SPECC1: variants seen among roughly 807,000 people sequenced by gnomAD.
SPECC1 encodes the protein sperm antigen with calponin homology and coiled-coil domains 1.
In SPECC1, 62 loss-of-function variants were observed where a neutral mutation model predicts 104.1. That is an observed-to-expected ratio of 0.60 (90% CI 0.49 to 0.74). SPECC1 has a LOEUF of 0.74. SPECC1 is among the 30% of genes least tolerant of loss of function. The pLI is 0.00. For missense variants in SPECC1, 1,306 were observed against 1,310.5 expected (o/e 1.00, Z 0.05); for synonymous variants, 513 against 501.6 (o/e 1.02, Z -0.30).
intron 7 of SPECC1, among the ~76,000 whole-genome samples, chr17:20,243,360 A>G (rs1241571602): frequency 1.3e-5 from 2 of 152,208 alleles, no homozygotes; most frequent in Non-Finnish European, 2.9e-5. Context: ...CTTCCTTGGA[A>G]CAGAGGAAAT....
chr17:20,086,153 A>T (rs2047168821), intron 1 of SPECC1, among the ~76,000 whole-genome samples: 1 of 152,160 alleles, frequency 6.6e-6, no homozygotes, highest in Admixed American at 6.5e-5. Flanking sequence ...CACCCTGGGC[A>T]CCACTGCTGC....
intron 4 of SPECC1, among the ~76,000 whole-genome samples, chr17:20,225,626 G>A (rs2038152220): frequency 6.6e-6 from 1 of 152,176 alleles, no homozygotes; most frequent in African/African-American, 2.4e-5. Flanking sequence ...TGTGGTTGCT[G>A]CCAAGGGATG....
intron 3 of SPECC1, among the ~76,000 whole-genome samples, chr17:20,168,293 T>G (rs1451189100): frequency 6.6e-6 from 1 of 152,214 alleles, no homozygotes; most frequent in Non-Finnish European, 1.5e-5. Context: ...AGTGGCTTAT[T>G]CTAAGAATGC....
At chr17:20,129,405 G>T (rs2049488043) in intron 3 of SPECC1, among the ~76,000 whole-genome samples, 1 of 151,104 alleles carries the variant, frequency 6.6e-6, no homozygotes, top group Non-Finnish European at 1.5e-5. Flanking sequence ...AGCCAGGATG[G>T]TCTCAATCTC....
chr17:20,022,099 G>A (rs928381000), intron 1 of SPECC1, among the ~76,000 whole-genome samples: 1 of 150,954 alleles, frequency 6.6e-6, no homozygotes, highest in African/African-American at 2.4e-5. Flanking sequence ...CCACCACTAC[G>A]CCTGGCTAAT....
intron 4 of SPECC1, among the ~76,000 whole-genome samples, chr17:20,214,429 CAGTT>C (rs377744121): frequency 3.3e-4 from 50 of 152,226 alleles, no homozygotes; most frequent in Middle Eastern, 6.8e-3. Flanking sequence ...ACTTGGGCCA[CAGTT>C]AGGTGAGAAA....
At chr17:20,263,699 G>A (rs370488099) in intron 12 of SPECC1, among the ~76,000 whole-genome samples, 10 of 152,120 alleles carry the variant, frequency 6.6e-5, no homozygotes, top group South Asian at 6.2e-4. Flanking sequence ...CACTGATGCC[G>A]CCTGTGCTGT....
chr17:20,260,973 T>C (rs994464269), intron 12 of SPECC1, among the ~76,000 whole-genome samples: 5 of 152,168 alleles, frequency 3.3e-5, no homozygotes, highest in Non-Finnish European at 5.9e-5. Context: ...GCAACTTTGG[T>C]TGGATATGTT....
chr17:20,308,948 A>G (rs1176233850), intron 14 of SPECC1, among the ~76,000 whole-genome samples: 1 of 152,100 alleles, frequency 6.6e-6, no homozygotes, highest in African/African-American at 2.4e-5. Context: ...CTGTTTAAAT[A>G]TAATATCTTT....
intron 12 of SPECC1, among the ~76,000 whole-genome samples, chr17:20,290,760 G>C (rs538071395): frequency 2.0e-5 from 3 of 152,202 alleles, no homozygotes; most frequent in Admixed American, 6.5e-5. Flanking sequence ...CAAGTGATCT[G>C]CCCACCTTGG....
rs1226895556 is a variant in SPECC1 at position 20,318,461 on chromosome 17, C to T, written c.*4396C>T. The stretch of plus-strand genomic sequence containing the variant: ...GGTGTTAGATAAAAACACACATCCC[C>T]AGGGGACAAGCCATCCAGCGGTGAG... On this transcript the variant is annotated 3_prime_UTR_variant, in exon 15 of 15. Coordinates refer to ENST00000395527, the MANE Select transcript of SPECC1 (RefSeq NM_001243439.2). 1 of 231,598 alleles carries T rather than the reference C, an allele frequency of 4.3e-6. No homozygotes were observed. Among genetic ancestry groups the T allele is most frequent in the Non-Finnish European group, 8.5e-6 (1 of 117,096 alleles). 14.3% of individuals were successfully genotyped at this position (231,598 alleles called of 1,614,324 possible).
intron 3 of SPECC1, among the ~76,000 whole-genome samples, chr17:20,164,193 A>T (rs1242947491): frequency 6.8e-6 from 1 of 147,838 alleles, no homozygotes. Context: ...TTTTTTAAAG[A>T]GACAAAGTCT....
Position 20,029,444 on chromosome 17 carries a change from C to T in SPECC1, c.-22+20020C>T, listed in dbSNP as rs141980575. ...CCTTAGGATTTTCTAAAGATCGTAT[C>T]GCCTGTAAATAGAGATCTGTTCTTT... On this transcript the variant is annotated intron_variant, in intron 1 of 14. Transcript: ENST00000395527. 2.4e-3 allele frequency among the ~76,000 whole-genome samples: 366 copies of T among 152,228 alleles called. 1 individual carries two copies. Among genetic ancestry groups the T allele is most frequent in the African/African-American group, 8.5e-3 (351 of 41,538 alleles).
intron 11 of SPECC1, among the ~76,000 whole-genome samples, chr17:20,259,068 A>C (rs2039935953): frequency 6.6e-6 from 1 of 152,272 alleles, no homozygotes; most frequent in African/African-American, 2.4e-5. Flanking sequence ...TAGGAGTAAT[A>C]GCTTTTTAAT....
chr17:20,219,229 C>T (rs149870377), intron 4 of SPECC1, among the ~76,000 whole-genome samples: 63 of 152,256 alleles, frequency 4.1e-4, no homozygotes, highest in African/African-American at 1.5e-3. Context: ...GACTTCTGTA[C>T]TGTTTTCCAT....
chr17:20,291,684 A>G (rs576491214), intron 12 of SPECC1, among the ~76,000 whole-genome samples: 22 of 152,178 alleles, frequency 1.4e-4, no homozygotes, highest in African/African-American at 5.3e-4. Context: ...AGCTGGAACT[A>G]CAGGCATGTG....
intron 7 of SPECC1, chr17:20,237,723 C>G (rs553732839): frequency 1.5e-5 from 3 of 194,018 alleles, no homozygotes; most frequent in Non-Finnish European, 3.2e-5. Context: ...AAGCCATCTG[C>G]GTGATGTCAC....
intron 3 of SPECC1, among the ~76,000 whole-genome samples, chr17:20,158,926 G>GT (rs150116530): frequency 0.01 from 1,514 of 147,856 alleles, 24 homozygotes; most frequent in East Asian, 0.087. Flanking sequence ...TTTTTGTTTT[G>GT]TTTTTTTTTG....
intron 1 of SPECC1, among the ~76,000 whole-genome samples, chr17:20,042,509 G>C (rs1287071479): frequency 6.6e-6 from 1 of 152,202 alleles, no homozygotes; most frequent in African/African-American, 2.4e-5. Flanking sequence ...CTGCTGGCGG[G>C]TGAGGGATGG....
Sources: allele counts gnomAD v4.1 joint callset (sites outside exome capture counted in the v4.1 genomes callset), GRCh38; gene constraint gnomAD v4.1.1; transcripts MANE v1.5; gene names NCBI Gene and HGNC (gene_info 2026-07-23, HGNC 2026-07-21).